DLG2: variants seen among roughly 807,000 people sequenced by gnomAD.
The protein encoded by DLG2 is disks large homolog 2.
In DLG2, 45 loss-of-function variants were observed where a neutral mutation model predicts 132.5. That is an observed-to-expected ratio of 0.34 (90% confidence interval 0.27 to 0.44). DLG2 has a LOEUF of 0.44. Ranked by LOEUF, DLG2 falls within the 20% of genes least tolerant of loss-of-function variation. DLG2 has a pLI of 1.00. For missense variants in DLG2, 1,045 were observed against 1,196.9 expected, an observed-to-expected ratio of 0.87 and a Z score of 1.87; for synonymous variants, 424 against 419.6, an observed-to-expected ratio of 1.01 and a Z score of -0.13.
At chr11:84,368,253 T>C (rs2098692081) in intron 7 of DLG2, among the ~76,000 whole-genome samples, 1 of 152,170 alleles carries the variant, frequency 6.6e-6, no homozygotes, top group Admixed American at 6.6e-5. Flanking sequence ...ATATGCTCAA[T>C]CTACTTTTTC....
At chr11:85,603,477 C>T (rs758811756) in intron 2 of DLG2, among the ~76,000 whole-genome samples, 21 of 151,868 alleles carry the variant, frequency 1.4e-4, no homozygotes, top group Non-Finnish European at 2.6e-4. Flanking sequence ...TAAAGTCTGC[C>T]GACATTTTTC....
At chr11:83,578,075 T>TAC (rs148521282) in intron 19 of DLG2, among the ~76,000 whole-genome samples, 71 of 135,110 alleles carry the variant, frequency 5.3e-4, no homozygotes, top group Middle Eastern at 3.8e-3. Context: ...TATATATGTA[T>TAC]ACACACACAC....
intron 11 of DLG2, among the ~76,000 whole-genome samples, chr11:84,023,149 A>C (rs2095442356): frequency 6.6e-6 from 1 of 152,178 alleles, no homozygotes; most frequent in Admixed American, 6.5e-5. Context: ...TAAAATTATA[A>C]ATAGTCTGCC....
chr11:84,923,424 A>G (rs1425555716), intron 6 of DLG2: 1 of 985,202 alleles, frequency 1.0e-6, no homozygotes, highest in South Asian at 4.8e-5. Flanking sequence ...ACTGGATTAA[A>G]AAAAAAAAAG....
chr11:84,151,721 C>G (rs543402890), intron 9 of DLG2, among the ~76,000 whole-genome samples: 1 of 152,258 alleles, frequency 6.6e-6, no homozygotes, highest in South Asian at 2.1e-4. Flanking sequence ...TTCACTGAAT[C>G]CTAGAGATTT....
At chr11:84,922,972 G>T (rs1591355860) in intron 6 of DLG2, 1 of 1,413,692 alleles carries the variant, frequency 7.1e-7, no homozygotes, top group Non-Finnish European at 1.0e-6. Flanking sequence ...TAATCTGCCT[G>T]CTCAGCCAGC....
chr11:84,935,784 G>C (rs2048674508), intron 6 of DLG2, among the ~76,000 whole-genome samples: 2 of 152,124 alleles, frequency 1.3e-5, no homozygotes, highest in African/African-American at 4.8e-5. Flanking sequence ...CTCTAATCTA[G>C]AAAGCTTTCC....
intron 6 of DLG2, among the ~76,000 whole-genome samples, chr11:84,632,565 C>G (rs1248608811): frequency 6.6e-6 from 1 of 152,186 alleles, no homozygotes; most frequent in Non-Finnish European, 1.5e-5. Flanking sequence ...CCATAGTAAG[C>G]TGACAGCCTT....
At chr11:85,334,784 A>C (rs1280730831) in intron 3 of DLG2, among the ~76,000 whole-genome samples, 5 of 152,112 alleles carry the variant, frequency 3.3e-5, no homozygotes, top group Non-Finnish European at 2.9e-5. Flanking sequence ...CTGTGGTCTG[A>C]GAGTGTGGTT....
chr11:83,826,577 A>G (rs1036725417), intron 17 of DLG2, among the ~76,000 whole-genome samples: 1 of 152,200 alleles, frequency 6.6e-6, no homozygotes, highest in African/African-American at 2.4e-5. Flanking sequence ...GGCAACTTCC[A>G]CATGGTTTCT....
chr11:83,513,945 T>G (rs1306291329), intron 21 of DLG2, among the ~76,000 whole-genome samples: 1 of 152,202 alleles, frequency 6.6e-6, no homozygotes, highest in Non-Finnish European at 1.5e-5. Flanking sequence ...TGTAGTATAG[T>G]TTGAAGTCAG....
intron 7 of DLG2, among the ~76,000 whole-genome samples, chr11:84,330,682 G>C (rs1432930526): frequency 6.6e-6 from 1 of 152,098 alleles, no homozygotes; most frequent in Non-Finnish European, 1.5e-5. Context: ...AGAAAACTAA[G>C]GTCCATTACC....
At chr11:84,502,052 TTTTC>T (rs1278072545) in intron 7 of DLG2, among the ~76,000 whole-genome samples, 3 of 151,766 alleles carry the variant, frequency 2.0e-5, no homozygotes, top group Non-Finnish European at 2.9e-5. Context: ...CTTTCTTTTC[TTTTC>T]TTTTTTTCTT....
intron 14 of DLG2, among the ~76,000 whole-genome samples, chr11:83,945,035 T>G (rs899756834): frequency 1.1e-4 from 16 of 152,198 alleles, no homozygotes; most frequent in African/African-American, 3.6e-4. Flanking sequence ...GGTCCCCAAA[T>G]TTCTCAGTCA....
intron 6 of DLG2, among the ~76,000 whole-genome samples, chr11:85,049,008 T>C (rs2062628108): frequency 6.6e-6 from 1 of 152,048 alleles, no homozygotes; most frequent in Admixed American, 6.6e-5. Flanking sequence ...TATACCTCCA[T>C]GATATGAATA....
chr11:85,376,012 T>C (rs2085375268), intron 3 of DLG2, among the ~76,000 whole-genome samples: 2 of 152,210 alleles, frequency 1.3e-5, no homozygotes, highest in Non-Finnish European at 2.9e-5. Flanking sequence ...TTTACATTTG[T>C]ATATACTCCC....
chr11:85,508,890 G>A (rs2093995147), intron 3 of DLG2, among the ~76,000 whole-genome samples: 1 of 152,024 alleles, frequency 6.6e-6, no homozygotes, highest in South Asian at 2.1e-4. Context: ...TAATCTAGAT[G>A]AGAAAGGCTA....
intron 3 of DLG2, among the ~76,000 whole-genome samples, chr11:85,595,064 C>CAAA (rs947518185): frequency 1.8e-3 from 107 of 58,130 alleles, no homozygotes; most frequent in Non-Finnish European, 2.7e-3. Flanking sequence ...GACTCTGTCT[C>CAAA]AAAAAAAAAA....
chr11:85,267,884 ATGTG>A (rs35082133), intron 4 of DLG2, among the ~76,000 whole-genome samples: 31 of 148,210 alleles, frequency 2.1e-4, no homozygotes, highest in Non-Finnish European at 3.7e-4. Flanking sequence ...TGACTTTTGT[ATGTG>A]TGTGTGTGTG....
Sources: allele counts gnomAD v4.1 joint callset (sites outside exome capture counted in the v4.1 genomes callset), GRCh38; gene constraint gnomAD v4.1.1; transcripts MANE v1.5; gene names NCBI Gene and HGNC (gene_info 2026-07-23, HGNC 2026-07-21).